The following RFX3 variants were observed in gnomAD, a reference collection of about 807,000 sequenced individuals.
The protein encoded by RFX3 is regulatory factor X3.
A neutral mutation model predicts 98.6 loss-of-function variants in RFX3; 14 were observed. The observed-to-expected ratio is 0.14, with a 90% CI of 0.09 to 0.22. The LOEUF is 0.22. RFX3 is among the 10% of genes least tolerant of loss of function. The pLI is 1.00. For synonymous variants in RFX3, 383 were observed against 328.4 expected (o/e 1.17, Z -1.80); for missense variants, 639 against 926.9 (o/e 0.69, Z 4.03).
chr9:3,427,911 T>C (rs1844273203), intron 1 of RFX3, among the ~76,000 whole-genome samples: 1 of 152,038 alleles, frequency 6.6e-6, no homozygotes, highest in South Asian at 2.1e-4. Context: ...TTCCAGCTGC[T>C]TCAACAGGCC....
At chr9:3,466,621 G>C (rs540476154) in intron 1 of RFX3, among the ~76,000 whole-genome samples, 1 of 152,156 alleles carries the variant, frequency 6.6e-6, no homozygotes, top group South Asian at 2.1e-4. Context: ...CCATTGGATA[G>C]GAGACTTTGT....
chr9:3,445,986 C>A (rs1163533654), intron 1 of RFX3, among the ~76,000 whole-genome samples: 1 of 152,104 alleles, frequency 6.6e-6, no homozygotes, highest in Non-Finnish European at 1.5e-5. Context: ...TACATGTACA[C>A]CACTCTATTC....
rs564575411 is a variant in RFX3, at chr9:3,470,884, T to A, written c.-9+54863A>T. Among the ~76,000 whole-genome samples the A allele has an allele frequency of 1.0e-3, 153 of 152,346 alleles. 1 individual carries two copies. Among genetic ancestry groups the A allele is most frequent in the Non-Finnish European group, 1.1e-3 (77 of 68,030 alleles). On this transcript the variant is annotated intron_variant, in intron 1 of 16. Coordinates refer to ENST00000617270, the MANE Select transcript of RFX3 (RefSeq NM_001282116.2). ...CAGGGCTCTTCTAGCATTCTAACATTCTATGAGTAATTTATCTTATTAAGA... is the reference window on the plus strand; with the variant it reads ...CAGGGCTCTTCTAGCATTCTAACATACTATGAGTAATTTATCTTATTAAGA...
intron 2 of RFX3, among the ~76,000 whole-genome samples, chr9:3,389,100 T>A (rs1396110629): frequency 2.6e-5 from 4 of 152,108 alleles, no homozygotes; most frequent in African/African-American, 9.7e-5. Context: ...CCCAAGATTA[T>A]AATAAAGAAT....
intron 1 of RFX3, among the ~76,000 whole-genome samples, chr9:3,504,291 A>T (rs915800224): frequency 5.0e-5 from 5 of 100,390 alleles, no homozygotes; most frequent in African/African-American, 2.7e-4. Context: ...CATATAAAAT[A>T]TATATTATAT....
At chr9:3,231,963 G>A (rs1289724591) in intron 15 of RFX3, among the ~76,000 whole-genome samples, 1 of 152,058 alleles carries the variant, frequency 6.6e-6, no homozygotes, top group Non-Finnish European at 1.5e-5. Context: ...AACCTGGGAG[G>A]CGAAGGTTGC....
chr9:3,266,342 T>C, intron 11 of RFX3, 37 bp from the exon 12 acceptor site: 1 of 1,282,224 alleles, frequency 7.8e-7, no homozygotes, highest in South Asian at 1.2e-5. Flanking sequence ...TAAAAAAAAG[T>C]ATGAAAGAAT....
At chr9:3,314,218 T>C (rs202187677) in intron 4 of RFX3, among the ~76,000 whole-genome samples, 1 of 152,098 alleles carries the variant, frequency 6.6e-6, no homozygotes, top group Non-Finnish European at 1.5e-5. Context: ...GGCCAATATT[T>C]AACATTCTTA....
intron 2 of RFX3, among the ~76,000 whole-genome samples, chr9:3,393,994 G>C (rs1840587790): frequency 6.6e-6 from 1 of 152,074 alleles, no homozygotes; most frequent in Non-Finnish European, 1.5e-5. Context: ...AAAAAAGAGA[G>C]AATATGCTTA....
chr9:3,225,029 G>T lies in RFX3; in HGVS notation c.*13C>A, dbSNP rs553003187. ...GGGTTAATGTAAGCTGGAAAAATAC[G>T]CTTTAATATTCTTTAGACTGCAGTG... On this transcript the variant is annotated 3_prime_UTR_variant, in exon 17 of 17. Coordinates refer to ENST00000617270, the MANE Select transcript of RFX3 (RefSeq NM_001282116.2). 1.2e-6 allele frequency: 2 copies of T among 1,610,446 alleles called. No individual in the cohort carries two copies. The highest frequency in any genetic ancestry group is 1.7e-5 in the Admixed American group (1 of 59,868).
chr9:3,502,492 G>A (rs1464346791), intron 1 of RFX3, among the ~76,000 whole-genome samples: 1 of 152,010 alleles, frequency 6.6e-6, no homozygotes, highest in Non-Finnish European at 1.5e-5. Flanking sequence ...AAAATACACA[G>A]AAAATCTTTC....
chr9:3,421,942 A>G (rs1384393849), intron 1 of RFX3, among the ~76,000 whole-genome samples: 1 of 152,112 alleles, frequency 6.6e-6, no homozygotes, highest in Non-Finnish European at 1.5e-5. Flanking sequence ...CTCTGAAGCC[A>G]GAGACTGTGC....
At chr9:3,286,534 A>T (rs184906228) in intron 7 of RFX3, among the ~76,000 whole-genome samples, 1 of 151,928 alleles carries the variant, frequency 6.6e-6, no homozygotes, top group African/African-American at 2.4e-5. Context: ...CTGTGTAAAA[A>T]GCCACTGAAC....
intron 1 of RFX3, among the ~76,000 whole-genome samples, chr9:3,423,225 C>A (rs1302284839): frequency 6.6e-6 from 1 of 152,120 alleles, no homozygotes; most frequent in Non-Finnish European, 1.5e-5. Context: ...TCAGGAAGCA[C>A]TTTGAAAGGT....
At position 3,232,066 on chromosome 9, in the gene RFX3, G is replaced by A. The variant is rs597545; in HGVS notation, c.1969-3177C>T. 2.8e-3 allele frequency among the ~76,000 whole-genome samples: 61 copies of A among 21,568 alleles called. 1 individual carries two copies. Among genetic ancestry groups the A allele is most frequent in the African/African-American group, 6.5e-3 (54 of 8,246 alleles). The allele number at this position is 21,568 out of a possible 152,430, so 14.1% of individuals were successfully genotyped here. On this transcript the variant is annotated intron_variant, in intron 15 of 16. Coordinates refer to ENST00000617270, the MANE Select transcript of RFX3 (RefSeq NM_001282116.2). ...AGCAAGCAAGCAAGCAAGCAAGCAA[G>A]CAAGCAAACAAACAAAAAACAGAAG...
intron 3 of RFX3, among the ~76,000 whole-genome samples, chr9:3,344,221 C>A (rs1439656099): frequency 6.6e-6 from 1 of 152,146 alleles, no homozygotes; most frequent in African/African-American, 2.4e-5. Context: ...GTGTCCTACT[C>A]TTTAGATGAT....
chr9:3,445,981 G>A (rs921960342), intron 1 of RFX3, among the ~76,000 whole-genome samples: 4 of 151,918 alleles, frequency 2.6e-5, no homozygotes, highest in African/African-American at 9.7e-5. Flanking sequence ...CCTTTTACAT[G>A]TACACCACTC....
intron 3 of RFX3, among the ~76,000 whole-genome samples, chr9:3,341,520 T>A (rs1478788185): frequency 6.6e-6 from 1 of 152,162 alleles, no homozygotes; most frequent in African/African-American, 2.4e-5. Flanking sequence ...CTGAAAAGCA[T>A]GTGGTCAGCA....
chr9:3,438,642 A>C (rs1845366817), intron 1 of RFX3, among the ~76,000 whole-genome samples: 1 of 152,062 alleles, frequency 6.6e-6, no homozygotes, highest in Non-Finnish European at 1.5e-5. Context: ...CCTGTGAGAA[A>C]TATACATTAA....
Sources: gnomAD v4.1 joint callset for allele counts (sites outside exome capture counted in the v4.1 genomes callset) on GRCh38, gnomAD v4.1.1 for gene constraint, MANE v1.5 for transcripts, NCBI Gene and HGNC (gene_info 2026-07-23, HGNC 2026-07-21) for gene names.